The following KCTD8 variants were observed in gnomAD, a reference collection of about 807,000 sequenced individuals.
KCTD8 encodes the protein BTB/POZ domain-containing protein KCTD8.
In KCTD8, 27 loss-of-function variants were observed where a neutral mutation model predicts 31.5. The ratio of observed to expected loss-of-function variants is 0.86; its 90% CI spans 0.63 to 1.18. KCTD8 has a LOEUF of 1.18. Among genes scored for constraint, KCTD8 ranks in the 50% most tolerant of loss-of-function variants. The pLI, the probability that KCTD8 is intolerant of heterozygous loss-of-function variation, is 0.00. For synonymous variants in KCTD8, 290 were observed against 280.0 expected, an observed-to-expected ratio of 1.04 and a Z score of -0.36; for missense variants, 658 against 647.7, an observed-to-expected ratio of 1.02 and a Z score of -0.17.
chr4:44,203,445 G>T (rs112542868), intron 1 of KCTD8, among the ~76,000 whole-genome samples: 1 of 147,692 alleles, frequency 6.8e-6, no homozygotes, highest in South Asian at 2.1e-4. Context: ...AGCCAAGATC[G>T]TGCCATTGTA....
intron 1 of KCTD8, among the ~76,000 whole-genome samples, chr4:44,430,780 C>T (rs925754625): frequency 1.3e-5 from 2 of 151,446 alleles, no homozygotes; most frequent in African/African-American, 4.8e-5. Flanking sequence ...TCAGTTTTTC[C>T]TCTCAACTTC....
At chr4:44,257,447 T>C (rs1560407870) in intron 1 of KCTD8, among the ~76,000 whole-genome samples, 1 of 152,136 alleles carries the variant, frequency 6.6e-6, no homozygotes, top group Non-Finnish European at 1.5e-5. Flanking sequence ...AGCCAAAGGC[T>C]AGGACTGTCC....
chr4:44,323,597 G>C (rs573244526), intron 1 of KCTD8, among the ~76,000 whole-genome samples: 2 of 150,090 alleles, frequency 1.3e-5, no homozygotes, highest in Non-Finnish European at 2.9e-5. Flanking sequence ...ACTTGCCCTG[G>C]GATCCTTTGA....
chr4:44,414,767 G>A (rs1405589364), intron 1 of KCTD8, among the ~76,000 whole-genome samples: 2 of 152,164 alleles, frequency 1.3e-5, no homozygotes, highest in African/African-American at 4.8e-5. Context: ...CAGTGTTGAA[G>A]GTAGGGCTTA....
chr4:44,278,808 T>A (rs1342654614), intron 1 of KCTD8, among the ~76,000 whole-genome samples: 1 of 152,058 alleles, frequency 6.6e-6, no homozygotes, highest in African/African-American at 2.4e-5. Context: ...GAACTCCCAG[T>A]CTCCATTATT....
chr4:44,331,904 C>T (rs1375402325), intron 1 of KCTD8, among the ~76,000 whole-genome samples: 1 of 150,804 alleles, frequency 6.6e-6, no homozygotes, highest in Non-Finnish European at 1.5e-5. Flanking sequence ...CAAGAGAGGG[C>T]ATGAAACCCT....
chr4:44,194,121 C>A (rs1181837080), intron 1 of KCTD8, among the ~76,000 whole-genome samples: 3 of 151,944 alleles, frequency 2.0e-5, no homozygotes, highest in Non-Finnish European at 4.4e-5. Flanking sequence ...CATTTAAGAC[C>A]AAACTTTTCA....
At chr4:44,271,983 ATCCTGTTAGT>A (rs1716621416) in intron 1 of KCTD8, among the ~76,000 whole-genome samples, 1 of 151,832 alleles carries the variant, frequency 6.6e-6, no homozygotes, top group African/African-American at 2.4e-5. Flanking sequence ...TTGGCATGTG[ATCCTGTTAGT>A]TCCTCTATCA....
At chr4:44,320,259 A>C (rs1313133632) in intron 1 of KCTD8, among the ~76,000 whole-genome samples, 1 of 149,828 alleles carries the variant, frequency 6.7e-6, no homozygotes, top group Non-Finnish European at 1.5e-5. Context: ...GGAGCAAATC[A>C]CTCCCATCCC....
At chr4:44,337,243 T>C (rs1345311012) in intron 1 of KCTD8, among the ~76,000 whole-genome samples, 1 of 152,200 alleles carries the variant, frequency 6.6e-6, no homozygotes, top group African/African-American at 2.4e-5. Flanking sequence ...TTAGTTCAAT[T>C]ATGATTAAAA....
chr4:44,407,550 C>T (rs544338141), intron 1 of KCTD8, among the ~76,000 whole-genome samples: 1 of 152,114 alleles, frequency 6.6e-6, no homozygotes, highest in South Asian at 2.1e-4. Context: ...CCATGCCCAG[C>T]TAATTTTGTA....
At chr4:44,362,182 C>A (rs563907531) in intron 1 of KCTD8, among the ~76,000 whole-genome samples, 24 of 152,196 alleles carry the variant, frequency 1.6e-4, no homozygotes, top group African/African-American at 5.5e-4. Context: ...GGCTAAAATG[C>A]CAGCCACACG....
At chr4:44,272,988 C>G (rs1295483788) in intron 1 of KCTD8, among the ~76,000 whole-genome samples, 2 of 151,896 alleles carry the variant, frequency 1.3e-5, no homozygotes, top group East Asian at 3.9e-4. Context: ...ATTTATGAGT[C>G]ACATCACATA....
intron 1 of KCTD8, among the ~76,000 whole-genome samples, chr4:44,365,010 C>G (rs892230933): frequency 6.6e-6 from 1 of 152,046 alleles, no homozygotes; most frequent in African/African-American, 2.4e-5. Context: ...ACATTGTACA[C>G]TTTCCAAAAA....
intron 1 of KCTD8, among the ~76,000 whole-genome samples, chr4:44,408,817 C>T (rs1720875763): frequency 6.6e-6 from 1 of 152,016 alleles, no homozygotes; most frequent in Non-Finnish European, 1.5e-5. Context: ...CGGGTTTTCA[C>T]CATGTTGGCC....
At chr4:44,363,178 C>T (rs1399449756) in intron 1 of KCTD8, among the ~76,000 whole-genome samples, 3 of 152,074 alleles carry the variant, frequency 2.0e-5, no homozygotes, top group Non-Finnish European at 4.4e-5. Flanking sequence ...ATCCCTGTCA[C>T]TATGGTATCA....
In KCTD8 at chr4:44,175,235, A is replaced by G. The variant is rs1713172918; in HGVS notation, c.977T>C (p.Ile326Thr). Residue 326 changes from isoleucine (I) to threonine (T), a missense_variant, in exon 2 of 2, where the codon ATA becomes ACA. Physicochemically the swap from Ile to Thr is moderately conservative, Grantham distance 89. Coordinates refer to ENST00000360029, the MANE Select transcript of KCTD8 (RefSeq NM_198353.3). ...TTCATGTTCTTGTTTAGGTGATACT[A>G]TTTTCTGAGGTGGTCCTAAAAAGGA... ...EYIFFRPPQK[I>T]VSPKQEHEDR... 6.4e-7 allele frequency: 1 copy of G among 1,557,204 alleles called. No homozygotes were observed. The highest frequency in any genetic ancestry group is 8.7e-7 in the Non-Finnish European group (1 of 1,152,156).
intron 1 of KCTD8, among the ~76,000 whole-genome samples, chr4:44,179,945 C>T (rs767860883): frequency 6.6e-6 from 1 of 152,112 alleles, no homozygotes; most frequent in Non-Finnish European, 1.5e-5. Flanking sequence ...TAATTGCAGG[C>T]TTCCAGGGAT....
chr4:44,407,245 TCTC>T (rs1294438815), intron 1 of KCTD8, among the ~76,000 whole-genome samples: 1 of 152,082 alleles, frequency 6.6e-6, no homozygotes, highest in Non-Finnish European at 1.5e-5. Context: ...CCTTCAAAAA[TCTC>T]CTATTTTATT....
Sources: gnomAD v4.1 joint callset for allele counts (sites outside exome capture counted in the v4.1 genomes callset) on GRCh38, gnomAD v4.1.1 for gene constraint, MANE v1.5 for transcripts, NCBI Gene and HGNC (gene_info 2026-07-23, HGNC 2026-07-21) for gene names.